FMN1: variants seen among roughly 807,000 people sequenced by gnomAD.
FMN1 encodes the protein formin 1.
FMN1 carries 110 observed loss-of-function variants against 132.4 expected under a neutral mutation model. That is an observed-to-expected ratio of 0.83 (90% CI 0.71 to 0.97). The LOEUF (loss-of-function observed/expected upper bound fraction) is 0.97, where lower values mean the gene tolerates loss of function less well. Ranked by LOEUF, FMN1 falls within the 50% of genes least tolerant of loss-of-function variation. The pLI is 0.00. For synonymous variants in FMN1, 722 were observed against 651.7 expected (o/e 1.11, Z -1.64); for missense variants, 1,792 against 1,705.3 (o/e 1.05, Z -0.90).
chr15:32,934,448 CT>C (rs1443548439), intron 9 of FMN1, among the ~76,000 whole-genome samples: 1 of 152,056 alleles, frequency 6.6e-6, no homozygotes, highest in Non-Finnish European at 1.5e-5. Flanking sequence ...CTTTCATATG[CT>C]TTTGTGTTGC....
At chr15:32,954,867 A>G (rs1210701120) in intron 9 of FMN1, among the ~76,000 whole-genome samples, 3 of 152,294 alleles carry the variant, frequency 2.0e-5, no homozygotes, top group South Asian at 4.1e-4. Context: ...TTAGCCAGGC[A>G]TGGTAGGTGT....
chr15:33,060,318 G>A (rs1471029185), intron 6 of FMN1, among the ~76,000 whole-genome samples: 1 of 152,110 alleles, frequency 6.6e-6, no homozygotes, highest in East Asian at 1.9e-4. Flanking sequence ...AATTATAGTA[G>A]GCCAATAAAG....
intron 16 of FMN1, among the ~76,000 whole-genome samples, chr15:32,863,940 A>G (rs1321366152): frequency 1.3e-5 from 2 of 152,250 alleles, no homozygotes; most frequent in African/African-American, 2.4e-5. Flanking sequence ...GCAATGTAAT[A>G]AAATACTAAA....
chr15:33,083,219 A>G (rs1230458757), intron 5 of FMN1, among the ~76,000 whole-genome samples: 5 of 152,260 alleles, frequency 3.3e-5, no homozygotes, highest in Non-Finnish European at 5.9e-5. Flanking sequence ...AGAAGTAGTA[A>G]TAATATTTGG....
At chr15:32,993,473 C>G (rs766500124) in intron 7 of FMN1, among the ~76,000 whole-genome samples, 2 of 152,144 alleles carry the variant, frequency 1.3e-5, no homozygotes, top group Non-Finnish European at 2.9e-5. Flanking sequence ...GTACAAGAAA[C>G]TGCCCCCTGT....
rs556715165 is a variant in FMN1, at chr15:32,777,694, CAT to C, written c.4131-777_4131-776del. On this transcript the variant is annotated intron_variant, in intron 19 of 20. Coordinates refer to ENST00000616417, the MANE Select transcript of FMN1 (RefSeq NM_001277313.2). ...TAACACATTTATATATTACGTATAA[CAT>C]ATAACACATTTACTTATATATTACG... Among the ~76,000 whole-genome samples, 134 of 124,204 alleles carry C rather than the reference CAT, an allele frequency of 1.1e-3. 4 individuals carry two copies. Among genetic ancestry groups the C allele is most frequent in the African/African-American group, 2.2e-3 (72 of 32,970 alleles). 81.5% of individuals were successfully genotyped at this position (124,204 alleles called of 152,430 possible). A position where few individuals can be genotyped will look rare whatever the true frequency, so the allele number is the denominator to read the frequency against.
chr15:32,803,959 C>A (rs1331133695), intron 18 of FMN1, among the ~76,000 whole-genome samples: 1 of 152,134 alleles, frequency 6.6e-6, no homozygotes, highest in African/African-American at 2.4e-5. Context: ...ATAGTCTTAA[C>A]ACATGGGGCC....
chr15:32,902,566 T>C (rs1375262736), intron 12 of FMN1, among the ~76,000 whole-genome samples: 2 of 152,238 alleles, frequency 1.3e-5, no homozygotes, highest in Non-Finnish European at 1.5e-5. Context: ...AATGATCACA[T>C]TCTCCAGATA....
At chr15:33,150,461 G>A (rs1168940653) in intron 4 of FMN1, 1 of 985,296 alleles carries the variant, frequency 1.0e-6, no homozygotes, top group African/African-American at 1.7e-5. Flanking sequence ...CCACTATGTG[G>A]TGATAATGGA....
intron 19 of FMN1, among the ~76,000 whole-genome samples, chr15:32,786,389 T>C (rs2056878571): frequency 6.6e-6 from 1 of 152,210 alleles, no homozygotes; most frequent in Non-Finnish European, 1.5e-5. Flanking sequence ...CCAGTCTGAC[T>C]ACCCAATATA....
At chr15:32,865,388 T>G (rs1435518256) in intron 16 of FMN1, among the ~76,000 whole-genome samples, 1 of 152,242 alleles carries the variant, frequency 6.6e-6, no homozygotes, top group Non-Finnish European at 1.5e-5. Context: ...AGGTAAATAA[T>G]TTTAAAAATC....
intron 17 of FMN1, among the ~76,000 whole-genome samples, chr15:32,839,909 AACTGTAT>A (rs2058708840): frequency 1.3e-5 from 1 of 75,256 alleles, no homozygotes; most frequent in African/African-American, 5.4e-5. Flanking sequence ...TACACTGAAG[AACTGTAT>A]ACTTGATGGG....
intron 5 of FMN1, among the ~76,000 whole-genome samples, chr15:33,073,327 C>T (rs1490836668): frequency 6.6e-6 from 1 of 152,036 alleles, no homozygotes; most frequent in Admixed American, 6.6e-5. Context: ...TTCTAGCTTC[C>T]CAAAGTAGTT....
Position 32,911,322 on chromosome 15 carries a change from C to T in FMN1, c.3227-787G>A, listed in dbSNP as rs185494961. 5.8e-4 allele frequency among the ~76,000 whole-genome samples: 87 copies of T among 150,856 alleles called. 2 individuals carry two copies. Among genetic ancestry groups the T allele is most frequent in the Admixed American group, 5.8e-3 (87 of 15,128 alleles). ...CACATCTTTAAATAATTATTCAAAA[C>T]TAATAAGGTTTGTTCCCTCAACCCT... is the stretch of plus-strand genomic sequence containing the variant. On this transcript the variant is annotated intron_variant, in intron 10 of 20. Coordinates refer to ENST00000616417, the MANE Select transcript of FMN1 (RefSeq NM_001277313.2).
intron 19 of FMN1, among the ~76,000 whole-genome samples, chr15:32,784,694 G>C: frequency 6.6e-6 from 1 of 152,204 alleles, no homozygotes; most frequent in East Asian, 1.9e-4. Context: ...AAGCCTGTGA[G>C]ATCACCAGTG....
intron 6 of FMN1, 78 bp downstream of exon 6, chr15:33,064,879 G>T: frequency 1.0e-6 from 1 of 963,314 alleles, no homozygotes; most frequent in Non-Finnish European, 1.6e-6. Context: ...CCCAAATTCT[G>T]AGAGTCAACT....
Position 32,774,111 on chromosome 15 carries a change from T to C in FMN1, c.*199A>G. 1.7e-6 allele frequency: 1 copy of C among 584,376 alleles called. No homozygotes were observed. Among genetic ancestry groups the C allele is most frequent in the Non-Finnish European group, 3.0e-6 (1 of 332,120 alleles). 36.2% of individuals were successfully genotyped at this position (584,376 alleles called of 1,614,324 possible). On this transcript the variant is annotated 3_prime_UTR_variant, in exon 21 of 21. Transcript: ENST00000616417. ...TTCTGCAATGTTCCCTTAAATAGTTTTCCATTGTTCCTGCGGCTTAATGAG... is the reference window on the plus strand; with the variant it reads ...TTCTGCAATGTTCCCTTAAATAGTTCTCCATTGTTCCTGCGGCTTAATGAG...
At chr15:33,002,449 T>C (rs2034171549) in intron 7 of FMN1, among the ~76,000 whole-genome samples, 1 of 152,190 alleles carries the variant, frequency 6.6e-6, no homozygotes, top group African/African-American at 2.4e-5. Flanking sequence ...CAAGTACAGC[T>C]AGGGTGGGTT....
chr15:33,036,702 G>A (rs975547265), intron 6 of FMN1, among the ~76,000 whole-genome samples: 1 of 152,036 alleles, frequency 6.6e-6, no homozygotes, highest in Non-Finnish European at 1.5e-5. Flanking sequence ...TACTTCACAG[G>A]GTTATAATAA....
Sources: allele counts gnomAD v4.1 joint callset (sites outside exome capture counted in the v4.1 genomes callset), GRCh38; gene constraint gnomAD v4.1.1; transcripts MANE v1.5; gene names NCBI Gene and HGNC (gene_info 2026-07-23, HGNC 2026-07-21).